FNDC3B: variants seen among roughly 807,000 people sequenced by gnomAD.
The protein encoded by FNDC3B is fibronectin type III domain-containing protein 3B.
A neutral mutation model predicts 151.5 loss-of-function variants in FNDC3B; 12 were observed. The ratio of observed to expected loss-of-function variants is 0.08; its 90% CI spans 0.05 to 0.13. The LOEUF (loss-of-function observed/expected upper bound fraction) is 0.13. Ranked by LOEUF, FNDC3B falls within the 10% of genes least tolerant of loss-of-function variation. FNDC3B has a pLI of 1.00. For synonymous variants in FNDC3B, 528 were observed against 549.0 expected (o/e 0.96, Z 0.54); for missense variants, 1,214 against 1,505.3 (o/e 0.81, Z 3.20).
At chr3:172,358,866 A>G (rs1013668630) in intron 22 of FNDC3B, among the ~76,000 whole-genome samples, 4 of 152,088 alleles carry the variant, frequency 2.6e-5, no homozygotes, top group African/African-American at 9.7e-5. Context: ...AAAAGTGTTC[A>G]ATAATTTCCC....
intron 9 of FNDC3B, chr3:172,302,712 A>AT (rs1363145808): frequency 1.3e-5 from 2 of 152,158 alleles, no homozygotes; most frequent in African/African-American, 2.4e-5. Flanking sequence ...ACACAAATAA[A>AT]TTTTTTTGGT....
Position 172,099,718 on chromosome 3 carries a change from G to A in FNDC3B, c.-28-12734G>A, listed in dbSNP as rs921917358. Among the ~76,000 whole-genome samples, 3 of 152,212 alleles carry A rather than the reference G, an allele frequency of 2.0e-5. No individual in the cohort carries two copies. In the South Asian group the frequency reaches 6.2e-4, roughly 32 times the overall value. ...GCCTCACAAATGTTCTCTAATGAGTGTGGCATAAAGTCCTGGAGAGAGACA... is the reference window on the plus strand; with the variant it reads ...GCCTCACAAATGTTCTCTAATGAGTATGGCATAAAGTCCTGGAGAGAGACA... On this transcript the variant is annotated intron_variant, in intron 1 of 25. Coordinates refer to ENST00000415807, the MANE Select transcript of FNDC3B (RefSeq NM_022763.4).
In FNDC3B at chr3:172,247,692, T is replaced by C; in HGVS notation, c.424T>C (p.Tyr142His). Residue 142 changes from tyrosine to histidine, a missense_variant, in exon 5 of 26, where the codon TAC (tyrosine) becomes CAC (histidine). Tyr to His is a moderately conservative substitution (Grantham distance 83). Transcript: ENST00000415807. ...TATTCATAACTCACACACGGCTTAC[T>C]ACCCACCTGTTACCGGACCTGGAGA... Reference protein sequence around the residue: ...HFIHNSHTAYYPPVTGPGDMP... With the variant: ...HFIHNSHTAYHPPVTGPGDMP... 2 of 1,614,146 alleles carry C rather than the reference T, an allele frequency of 1.2e-6. No individual in the cohort carries two copies. Among genetic ancestry groups the C allele is most frequent in the Non-Finnish European group, 1.7e-6 (2 of 1,180,000 alleles).
chr3:172,305,702 A>T lies in FNDC3B; in HGVS notation c.1062-1661A>T, dbSNP rs532618261. ...ATGTTTTTGCACACTGCCACCACAC[A>T]TACACATGTGTCTTGGGTCAGATGC... is the stretch of plus-strand genomic sequence containing the variant. On this transcript the variant is annotated intron_variant, in intron 9 of 25. Coordinates refer to ENST00000415807, the MANE Select transcript of FNDC3B (RefSeq NM_022763.4). Among the ~76,000 whole-genome samples, 164 of 152,322 alleles carry T rather than the reference A, an allele frequency of 1.1e-3. 1 individual carries two copies. Among genetic ancestry groups the T allele is most frequent in the African/African-American group, 3.8e-3 (156 of 41,574 alleles).
chr3:172,133,671 T>C (rs1255619301), intron 3 of FNDC3B, 125 bp downstream of exon 3: 2 of 783,886 alleles, frequency 2.6e-6, no homozygotes, highest in Non-Finnish European at 4.6e-6. Flanking sequence ...ATATTCATTT[T>C]CTTTTTTTTT....
chr3:172,073,574 A>T (rs561553139), intron 1 of FNDC3B, among the ~76,000 whole-genome samples: 4 of 152,178 alleles, frequency 2.6e-5, no homozygotes, highest in Non-Finnish European at 5.9e-5. Flanking sequence ...TCGAAAAGAC[A>T]ATTATGGTTT....
chr3:172,154,172 T>G (rs1722367245), intron 3 of FNDC3B, among the ~76,000 whole-genome samples: 1 of 152,104 alleles, frequency 6.6e-6, no homozygotes, highest in Non-Finnish European at 1.5e-5. Flanking sequence ...ATCACAGAAT[T>G]TTAGAGTGAG....
intron 1 of FNDC3B, among the ~76,000 whole-genome samples, chr3:172,075,758 C>G (rs1576839769): frequency 8.4e-6 from 1 of 118,550 alleles, no homozygotes; most frequent in South Asian, 2.5e-4. Flanking sequence ...CACACACACA[C>G]ACACACACAA....
chr3:172,208,722 T>A (rs555374016), intron 3 of FNDC3B, among the ~76,000 whole-genome samples: 1 of 20,244 alleles, frequency 4.9e-5, no homozygotes, highest in African/African-American at 3.9e-4. Context: ...TTCTGCCCAC[T>A]TGGCCTGGAT....
At chr3:172,270,292 C>T (rs558112864) in intron 6 of FNDC3B, among the ~76,000 whole-genome samples, 165 of 152,350 alleles carry the variant, frequency 1.1e-3, no homozygotes, top group Non-Finnish European at 1.6e-3. Flanking sequence ...CTCTGCACAG[C>T]AGCTGGGTGA....
chr3:172,321,623 G>A (rs964387549), intron 11 of FNDC3B: 6 of 190,792 alleles, frequency 3.1e-5, no homozygotes, highest in East Asian at 3.3e-4. Context: ...TCACTACAGC[G>A]TCTGCCTCCC....
intron 3 of FNDC3B, among the ~76,000 whole-genome samples, chr3:172,222,561 G>A (rs979004201): frequency 5.3e-5 from 8 of 152,158 alleles, no homozygotes; most frequent in Admixed American, 2.0e-4. Context: ...TTGGGGGTGA[G>A]GGGGGCTGTT....
In FNDC3B at chr3:172,307,464, C is replaced by T. The variant is rs1230750048; in HGVS notation, c.1163C>T (p.Ala388Val). Residue 388 changes from alanine (A) to valine (V), a missense_variant, in exon 10 of 26, where the codon GCA (alanine) becomes GTA (valine). Physicochemically the swap from Ala to Val is moderately conservative, Grantham distance 64 (BLOSUM62 0). Transcript: ENST00000415807. The stretch of plus-strand genomic sequence containing the variant: ...GAGTGTCCTTTCCCCCCTAAGCTGG[C>T]ACATAGGAGCAAAAGTTCACTAACC... ...APECPFPPKL[A>V]HRSKSSLTLQ... 6.2e-7 allele frequency: 1 copy of T among 1,613,952 alleles called. No individual in the cohort carries two copies. Among genetic ancestry groups the T allele is most frequent in the East Asian group, 2.2e-5 (1 of 44,876 alleles).
intron 13 of FNDC3B, among the ~76,000 whole-genome samples, chr3:172,331,687 C>T (rs928500703): frequency 1.6e-4 from 24 of 151,906 alleles, no homozygotes; most frequent in Admixed American, 1.4e-3. Flanking sequence ...TTAAACACAC[C>T]GTGTGTGCTG....
At chr3:172,172,998 T>C (rs1723359041) in intron 3 of FNDC3B, among the ~76,000 whole-genome samples, 1 of 152,220 alleles carries the variant, frequency 6.6e-6, no homozygotes, top group Non-Finnish European at 1.5e-5. Context: ...TGTATAATGT[T>C]GGCACTGAAA....
At chr3:172,230,212 G>C (rs1386385132) in intron 4 of FNDC3B, among the ~76,000 whole-genome samples, 1 of 152,084 alleles carries the variant, frequency 6.6e-6, no homozygotes, top group Non-Finnish European at 1.5e-5. Flanking sequence ...GTGGAAAGAG[G>C]CCTGGGACCG....
At chr3:172,336,048 G>T (rs1182750220) in intron 15 of FNDC3B, among the ~76,000 whole-genome samples, 2 of 152,116 alleles carry the variant, frequency 1.3e-5, no homozygotes, top group Non-Finnish European at 2.9e-5. Context: ...ACCTCAGAAA[G>T]TTCTGTCAAC....
chr3:172,361,916 C>T (rs1734383707), intron 22 of FNDC3B, among the ~76,000 whole-genome samples: 1 of 152,204 alleles, frequency 6.6e-6, no homozygotes, highest in Non-Finnish European at 1.5e-5. Context: ...AGGCAATCCT[C>T]CTGCCTCGGC....
intron 1 of FNDC3B, among the ~76,000 whole-genome samples, chr3:172,057,256 C>T (rs556856522): frequency 1.3e-5 from 2 of 152,286 alleles, no homozygotes; most frequent in Admixed American, 1.3e-4. Context: ...CCTTTCATCT[C>T]TGGGTCACCA....
Sources: allele counts gnomAD v4.1 joint callset (sites outside exome capture counted in the v4.1 genomes callset), GRCh38; gene constraint gnomAD v4.1.1; transcripts MANE v1.5; gene names NCBI Gene and HGNC (gene_info 2026-07-23, HGNC 2026-07-21).